Variants in CSMD3 observed in about 807,000 individuals in gnomAD.
CSMD3 encodes the protein CUB and sushi domain-containing protein 3.
Under a neutral mutation model 435.2 loss-of-function variants are expected in CSMD3, and 177 were observed. The observed-to-expected ratio is 0.41, with a 90% CI of 0.36 to 0.46. CSMD3 has a LOEUF of 0.46. Ranked by LOEUF, CSMD3 falls within the 20% of genes least tolerant of loss-of-function variation. CSMD3 has a pLI of 0.34. For missense variants in CSMD3, 4,265 were observed against 4,504.6 expected (o/e 0.95, Z 1.52); for synonymous variants, 1,656 against 1,520.5 (o/e 1.09, Z -2.07).
chr8:112,686,025 C>T (rs1230522834), intron 14 of CSMD3, among the ~76,000 whole-genome samples: 1 of 152,038 alleles, frequency 6.6e-6, no homozygotes, highest in Non-Finnish European at 1.5e-5. Flanking sequence ...GTGTTCATTT[C>T]AGTGTTTAAA....
intron 4 of CSMD3, among the ~76,000 whole-genome samples, chr8:113,157,387 G>A (rs2091955134): frequency 6.7e-6 from 1 of 150,250 alleles, no homozygotes; most frequent in Non-Finnish European, 1.5e-5. Context: ...ATGACACTGT[G>A]GCAGGCTGAC....
At chr8:112,899,611 A>T (rs1244035700) in intron 10 of CSMD3, among the ~76,000 whole-genome samples, 82 of 106,510 alleles carry the variant, frequency 7.7e-4, no homozygotes, top group African/African-American at 2.6e-3. Context: ...ATATATATAT[A>T]TATATATATA....
At chr8:113,173,588 C>T in intron 4 of CSMD3, 134 bp downstream of exon 4, 1 of 748,422 alleles carries the variant, frequency 1.3e-6, no homozygotes, top group South Asian at 1.5e-5. Flanking sequence ...TCCCAAAGTG[C>T]TGGGATTACA....
intron 1 of CSMD3, among the ~76,000 whole-genome samples, chr8:113,401,411 T>C (rs960173823): frequency 7.3e-5 from 11 of 151,676 alleles, no homozygotes; most frequent in Non-Finnish European, 1.2e-4. Flanking sequence ...AATTTTATAG[T>C]CATTGATGAT....
chr8:113,059,341 C>T (rs148736283), intron 5 of CSMD3, among the ~76,000 whole-genome samples: 30 of 152,144 alleles, frequency 2.0e-4, no homozygotes, highest in African/African-American at 7.2e-4. Flanking sequence ...GTCTCTGGTA[C>T]CCTTGGCCTT....
intron 32 of CSMD3, among the ~76,000 whole-genome samples, chr8:112,412,492 A>G (rs960907682): frequency 1.3e-5 from 2 of 152,142 alleles, no homozygotes; most frequent in African/African-American, 4.8e-5. Flanking sequence ...AGTAAGCTGT[A>G]TACATCAAGC....
chr8:113,049,937 A>G (rs1006227612), intron 5 of CSMD3, among the ~76,000 whole-genome samples: 7 of 152,270 alleles, frequency 4.6e-5, no homozygotes, highest in Middle Eastern at 3.4e-3. Flanking sequence ...GTCCAACATT[A>G]CAGCACATCT....
chr8:113,032,483 A>T (rs1306640565), intron 5 of CSMD3, among the ~76,000 whole-genome samples: 1 of 151,478 alleles, frequency 6.6e-6, no homozygotes, highest in Non-Finnish European at 1.5e-5. Context: ...CTTGAGAGAG[A>T]TGATTTAGGG....
At chr8:112,372,842 A>G (rs1206618928) in intron 38 of CSMD3, among the ~76,000 whole-genome samples, 4 of 151,328 alleles carry the variant, frequency 2.6e-5, no homozygotes, top group Non-Finnish European at 5.9e-5. Context: ...GAGCGAGACT[A>G]TGTCTCCAAA....
chr8:112,668,085 T>C (rs1227815667), intron 16 of CSMD3, among the ~76,000 whole-genome samples: 1 of 152,168 alleles, frequency 6.6e-6, no homozygotes, highest in Non-Finnish European at 1.5e-5. Context: ...CAAAAGATGT[T>C]ATTTGTATGA....
intron 5 of CSMD3, among the ~76,000 whole-genome samples, chr8:113,092,082 C>G (rs1225417274): frequency 6.6e-6 from 1 of 152,046 alleles, no homozygotes; most frequent in Non-Finnish European, 1.5e-5. Context: ...GATAAACAGT[C>G]TTTGTCCTTT....
chr8:113,117,886 C>T (rs769558919), intron 4 of CSMD3, among the ~76,000 whole-genome samples: 6 of 152,266 alleles, frequency 3.9e-5, no homozygotes, highest in African/African-American at 1.2e-4. Flanking sequence ...TTGGAGCAGG[C>T]GTATTTGCCC....
chr8:112,536,819 C>A lies in CSMD3; in HGVS notation c.4564+13852G>T, dbSNP rs1826141254. On this transcript the variant is annotated intron_variant, in intron 27 of 70. Coordinates refer to ENST00000297405, the MANE Select transcript of CSMD3 (RefSeq NM_198123.2). ...ATTAAGAAAATGTGGCACATATACA[C>A]CATGGAATACTATGCAGCCATAAAA... Among the ~76,000 whole-genome samples the A allele has an allele frequency of 1.3e-5, 2 of 151,894 alleles. 1 individual carries two copies. The highest frequency in any genetic ancestry group is 4.2e-4 in the South Asian group (2 of 4,806).
chr8:112,673,781 C>G (rs561614217), intron 16 of CSMD3, among the ~76,000 whole-genome samples: 142 of 152,214 alleles, frequency 9.3e-4, no homozygotes, highest in African/African-American at 3.3e-3. Context: ...CAGTCCCATC[C>G]TATTCACTCA....
chr8:113,393,713 T>A (rs1208960624), intron 1 of CSMD3, among the ~76,000 whole-genome samples: 2 of 152,112 alleles, frequency 1.3e-5, no homozygotes, highest in African/African-American at 4.8e-5. Context: ...TTATAACAGA[T>A]AACAAAAATA....
chr8:113,170,568 A>G (rs2092249881), intron 4 of CSMD3, among the ~76,000 whole-genome samples: 4 of 152,258 alleles, frequency 2.6e-5, no homozygotes, highest in Admixed American at 2.6e-4. Flanking sequence ...AATGGGCGAT[A>G]TTAATACCTT....
chr8:112,689,840 A>C (rs371380304), intron 14 of CSMD3, 28 bp downstream of exon 14: 28 of 1,591,686 alleles, frequency 1.8e-5, no homozygotes, highest in Non-Finnish European at 2.2e-5. Flanking sequence ...AACATATGCT[A>C]TCTGGAAGCA....
intron 36 of CSMD3, among the ~76,000 whole-genome samples, chr8:112,388,487 A>C (rs927434735): frequency 3.9e-5 from 6 of 152,178 alleles, no homozygotes; most frequent in Non-Finnish European, 7.4e-5. Flanking sequence ...GTACCGAGTA[A>C]GAGTCAGAAA....
At chr8:113,233,611 A>G (rs1447026462) in intron 3 of CSMD3, among the ~76,000 whole-genome samples, 1 of 151,694 alleles carries the variant, frequency 6.6e-6, no homozygotes, top group East Asian at 1.9e-4. Context: ...ATAAACATCA[A>G]TGAAAAAATA....
Sources: allele counts gnomAD v4.1 joint callset (sites outside exome capture counted in the v4.1 genomes callset), GRCh38; gene constraint gnomAD v4.1.1; transcripts MANE v1.5; gene names NCBI Gene and HGNC (gene_info 2026-07-23, HGNC 2026-07-21).